SSU72: variants seen among roughly 807,000 people sequenced by gnomAD.
The protein encoded by SSU72 is SSU72 homolog, RNA polymerase II CTD phosphatase, also known as RNA polymerase II subunit A C-terminal domain phosphatase SSU72.
Under a neutral mutation model 22.7 loss-of-function variants are expected in SSU72, and 12 were observed. The observed-to-expected ratio is 0.53, with a 90% CI of 0.34 to 0.86. The LOEUF is 0.86. Among genes scored for constraint, SSU72 ranks in the 40% least tolerant of loss-of-function variants. SSU72 has a pLI of 0.02. For missense variants in SSU72, 151 were observed against 249.8 expected (o/e 0.60, Z 2.67); for synonymous variants, 116 against 98.3 (o/e 1.18, Z -1.06).
rs1309403695 is a variant in SSU72 at position 1,554,603 on chromosome 1, C to CG, written c.225-9602_225-9601insC. On this transcript the variant is annotated intron_variant, in intron 2 of 4. Coordinates refer to ENST00000291386, the MANE Select transcript of SSU72 (RefSeq NM_014188.3). This position sits in a 1 kb window ranked among gnomAD's most constrained non-coding sequence, Gnocchi z 4.1. Reference sequence around the variant, plus strand: ...GGGAGTTAGAATGAGCGCAGCTGCCCATCCCACAGGAGAACCGAGAGGCCA... The same window carrying CG: ...GGGAGTTAGAATGAGCGCAGCTGCCCGATCCCACAGGAGAACCGAGAGGCCA... 6.6e-6 allele frequency among the ~76,000 whole-genome samples: 1 copy of CG among 152,164 alleles called. No individual in the cohort carries two copies. The highest frequency in any genetic ancestry group is 2.4e-5 in the African/African-American group (1 of 41,434).
chr1:1,561,724 T>C (rs1205070594), intron 2 of SSU72: 2 of 152,250 alleles, frequency 1.3e-5, no homozygotes, highest in East Asian at 3.8e-4. Context: ...GAGCTTTAGC[T>C]AAGTGGCAGG....
intron 2 of SSU72, chr1:1,564,560 G>A (rs771893578): frequency 4.4e-6 from 7 of 1,578,172 alleles, no homozygotes; most frequent in Non-Finnish European, 6.0e-6. Context: ...CACCGTGTCT[G>A]TGCGCCTCAC....
intron 2 of SSU72, among the ~76,000 whole-genome samples, chr1:1,549,526 A>G (rs1010112527): frequency 3.3e-5 from 5 of 151,678 alleles, no homozygotes; most frequent in African/African-American, 9.7e-5. Flanking sequence ...CTCAAAAAAA[A>G]AAAAGAAAGA....
intron 2 of SSU72, among the ~76,000 whole-genome samples, chr1:1,558,130 G>A: frequency 6.6e-6 from 1 of 151,630 alleles, no homozygotes; most frequent in East Asian, 1.9e-4. Context: ...TGAACCCAGG[G>A]TCGGAGGTTG....
intron 2 of SSU72, among the ~76,000 whole-genome samples, chr1:1,550,267 C>T (rs988651250): frequency 4.6e-5 from 7 of 152,122 alleles, no homozygotes; most frequent in Non-Finnish European, 8.8e-5. Flanking sequence ...AGACAACCCC[C>T]GCCATCCTCC....
intron 1 of SSU72, 81 bp downstream of exon 1, chr1:1,574,397 G>T: frequency 6.8e-7 from 1 of 1,461,048 alleles, no homozygotes; most frequent in African/African-American, 1.5e-5. Context: ...AGGGGTCCTG[G>T]CGCGGGCCAG....
intron 1 of SSU72, among the ~76,000 whole-genome samples, chr1:1,571,973 T>C (rs1642736729): frequency 1.3e-5 from 2 of 151,312 alleles, no homozygotes; most frequent in African/African-American, 4.9e-5. Flanking sequence ...TTTTTTGTAT[T>C]TTTTGTAGAG....
chr1:1,545,227 G>C (rs1642376445), intron 2 of SSU72: 1 of 546,310 alleles, frequency 1.8e-6, no homozygotes, highest in Non-Finnish European at 3.2e-6. Context: ...GCTCCTCGCT[G>C]TCCCCCAACT....
intron 2 of SSU72, chr1:1,545,743 T>G (rs1642381261): frequency 6.6e-6 from 1 of 151,378 alleles, no homozygotes; most frequent in Non-Finnish European, 1.5e-5. Flanking sequence ...GCCACTGCAC[T>G]CCAGCCTGGT....
In SSU72 at chr1:1,564,401, C is replaced by T. The variant is rs940760504; in HGVS notation, c.224+372G>A. 6 of 1,368,176 alleles carry T rather than the reference C, an allele frequency of 4.4e-6. No homozygotes were observed. In the African/African-American group the frequency reaches 5.8e-5, roughly 13 times the overall value. The allele number at this position is 1,368,176 out of a possible 1,614,324, so 84.8% of individuals were successfully genotyped here. ...TGTGTATCAGGCACGCACGCACACA[C>T]GCACGCACACCAACCTGCAAAGGAA... is the stretch of plus-strand genomic sequence containing the variant. On this transcript the variant is annotated intron_variant, in intron 2 of 4. Coordinates refer to ENST00000291386, the MANE Select transcript of SSU72 (RefSeq NM_014188.3).
At chr1:1,554,000 G>A (rs571155327) in intron 2 of SSU72, among the ~76,000 whole-genome samples, 3 of 152,316 alleles carry the variant, frequency 2.0e-5, no homozygotes, top group East Asian at 3.9e-4. Flanking sequence ...GACTACGTCA[G>A]TGGTGAGAAC....
chr1:1,542,156 C>T lies in SSU72; in HGVS notation c.495G>A (p.Thr165=), dbSNP rs752074985. ...CGTCGATCTCGTTCTCCATGTCTTC[C>T]GTGTGCTGGATCTGCAAGGACAGGA... ...ICELCQCIQH[T]EDMENEIDEL... Residue 165 remains threonine (T), a synonymous_variant, in exon 5 of 5, where the codon ACG becomes ACA. Transcript: ENST00000291386. The surrounding 1 kb of genome is among the most constrained non-coding windows in gnomAD (Gnocchi z 4.4). 18 of 1,586,248 alleles carry T rather than the reference C, an allele frequency of 1.1e-5. No homozygotes were observed. Among genetic ancestry groups the T allele is most frequent in the African/African-American group, 4.0e-5 (3 of 74,514 alleles).
chr1:1,557,552 G>A (rs577645235), intron 2 of SSU72, among the ~76,000 whole-genome samples: 7 of 152,210 alleles, frequency 4.6e-5, no homozygotes, highest in African/African-American at 1.7e-4. Context: ...TCAAAACTTT[G>A]GAAGGCCAAA....
chr1:1,566,931 G>A (rs1298657835), intron 1 of SSU72, among the ~76,000 whole-genome samples: 1 of 152,142 alleles, frequency 6.6e-6, no homozygotes, highest in African/African-American at 2.4e-5. Context: ...AGAGGGGGCT[G>A]CTGGAGTGTA....
rs766226081 is a variant in SSU72, at chr1:1,574,550, G to A, written c.8C>T (p.Ser3Leu). 63 of 1,588,518 alleles carry A rather than the reference G, an allele frequency of 4.0e-5. No homozygotes were observed. The highest frequency in any genetic ancestry group is 1.7e-4 in the Middle Eastern group (1 of 6,016). ...CACCACCGCCACCCGCAGCGGGGAC[G>A]ACGGCATGGCGGCGGCCGCAAATCC... MP[S>L]SPLRVAVVCS... The change falls in exon 1 of 5, where the codon TCG (serine) becomes TTG (leucine). Residue 3 changes from serine to leucine, a missense_variant. Coordinates refer to ENST00000291386, the MANE Select transcript of SSU72 (RefSeq NM_014188.3).
chr1:1,544,804 C>T, intron 3 of SSU72, 59 bp downstream of exon 3: 1 of 1,612,196 alleles, frequency 6.2e-7, no homozygotes, highest in Non-Finnish European at 8.5e-7. Flanking sequence ...GCCCTGCAGG[C>T]ATCCCCAGAC....
At chr1:1,571,970 T>C (rs926919482) in intron 1 of SSU72, among the ~76,000 whole-genome samples, 4 of 151,502 alleles carry the variant, frequency 2.6e-5, no homozygotes, top group African/African-American at 9.7e-5. Context: ...CATTTTTTTG[T>C]ATTTTTTGTA....
intron 2 of SSU72, 81 bp from the exon 3 acceptor site, chr1:1,545,083 C>T: frequency 6.6e-7 from 1 of 1,525,412 alleles, no homozygotes. Context: ...GGACACCCAG[C>T]CCCTTCCCTG....
At chr1:1,569,819 G>A (rs1021207976) in intron 1 of SSU72, among the ~76,000 whole-genome samples, 4 of 151,552 alleles carry the variant, frequency 2.6e-5, no homozygotes, top group Non-Finnish European at 1.5e-5. Flanking sequence ...TTTTAAAAGG[G>A]GCGAGGTTCA....
Sources: allele counts gnomAD v4.1 joint callset (sites outside exome capture counted in the v4.1 genomes callset), GRCh38; gene constraint gnomAD v4.1.1; non-coding constraint Gnocchi (gnomAD v3.1); transcripts MANE v1.5; gene names NCBI Gene and HGNC (gene_info 2026-07-23, HGNC 2026-07-21).